Variants in DPP6 observed in about 807,000 individuals in gnomAD.
DPP6 encodes dipeptidyl peptidase like 6, also known as A-type potassium channel modulatory protein DPP6.
DPP6 carries 69 observed loss-of-function variants against 122.6 expected under a neutral mutation model. The observed-to-expected ratio is 0.56, with a 90% CI of 0.46 to 0.69. DPP6 has a LOEUF of 0.69. Ranked by LOEUF, DPP6 falls within the 30% of genes least tolerant of loss-of-function variation. The probability of loss-of-function intolerance (pLI) is 0.00; values close to 1 mark genes in which losing one functional copy is unlikely to be tolerated. For synonymous variants in DPP6, 418 were observed against 433.1 expected (o/e 0.97, Z 0.43); for missense variants, 928 against 1,116.9 (o/e 0.83, Z 2.41).
intron 3 of DPP6, among the ~76,000 whole-genome samples, chr7:154,518,314 T>G (rs548725807): frequency 6.6e-6 from 1 of 152,228 alleles, no homozygotes; most frequent in African/African-American, 2.4e-5. Flanking sequence ...GTCCTGATGA[T>G]TCAAGCTTAG....
intron 1 of DPP6, among the ~76,000 whole-genome samples, chr7:154,396,857 A>C (rs1175925055): frequency 6.6e-6 from 1 of 152,234 alleles, no homozygotes; most frequent in Admixed American, 6.5e-5. Flanking sequence ...AGGTAGGAGA[A>C]TCACTTGAAC....
At chr7:154,281,985 C>A (rs927273041) in intron 1 of DPP6, among the ~76,000 whole-genome samples, 1 of 152,120 alleles carries the variant, frequency 6.6e-6, no homozygotes, top group Non-Finnish European at 1.5e-5. Flanking sequence ...TGATTTGAGA[C>A]ATGGGTCTTT....
chr7:154,479,205 CCTTA>C (rs1279541464), intron 3 of DPP6, among the ~76,000 whole-genome samples: 4 of 152,168 alleles, frequency 2.6e-5, no homozygotes, highest in Non-Finnish European at 4.4e-5. Flanking sequence ...TTGTAGACTT[CCTTA>C]CTTGTTTGTT....
At chr7:154,072,065 A>G (rs1334783253) in intron 1 of DPP6, among the ~76,000 whole-genome samples, 1 of 152,220 alleles carries the variant, frequency 6.6e-6, no homozygotes, top group Admixed American at 6.5e-5. Flanking sequence ...GGCAGAGTGT[A>G]CTGATTAGAG....
intron 1 of DPP6, among the ~76,000 whole-genome samples, chr7:154,125,102 G>T (rs1188651010): frequency 6.6e-6 from 1 of 152,220 alleles, no homozygotes; most frequent in East Asian, 1.9e-4. Context: ...GGTCTTTGGA[G>T]ACATCACTAG....
chr7:153,830,858 C>T, the DPP6 span, among the ~76,000 whole-genome samples: 1 of 152,322 alleles, frequency 6.6e-6, no homozygotes, highest in Non-Finnish European at 1.5e-5. Flanking sequence ...CTATTAAATA[C>T]TGACTGCTTC....
At chr7:154,709,579 C>T (rs1037072008) in intron 7 of DPP6, among the ~76,000 whole-genome samples, 51 of 80,236 alleles carry the variant, frequency 6.4e-4, no homozygotes, top group Non-Finnish European at 1.3e-3. Context: ...AAGACAACGA[C>T]ATTTTTCTTT....
intron 3 of DPP6, 42 bp downstream of exon 3, chr7:154,475,079 G>A: frequency 1.4e-6 from 2 of 1,449,614 alleles, no homozygotes; most frequent in Non-Finnish European, 1.9e-6. Flanking sequence ...GCTTCCCCAT[G>A]CCTCACCCCC....
chr7:154,337,040 G>A lies in DPP6; in HGVS notation c.244-109174G>A, dbSNP rs561528243. Among the ~76,000 whole-genome samples the A allele has an allele frequency of 3.3e-4, 51 of 152,338 alleles. 1 individual carries two copies. The highest frequency in any genetic ancestry group is 2.7e-3 in the Admixed American group (42 of 15,300). ...GAGCAGCTAGGGTAGAAAAGGAGAA[G>A]CATTTAAACATCAGTGCCTCAAATC... On this transcript the variant is annotated intron_variant, in intron 1 of 25. Coordinates refer to ENST00000377770, the MANE Select transcript of DPP6 (RefSeq NM_130797.4).
chr7:154,109,592 G>A (rs1472800563), intron 1 of DPP6, among the ~76,000 whole-genome samples: 8 of 152,120 alleles, frequency 5.3e-5, no homozygotes, highest in East Asian at 1.9e-4. Context: ...GCGCCTGGCC[G>A]CTGTTAATTT....
intron 7 of DPP6, among the ~76,000 whole-genome samples, chr7:154,673,155 C>T (rs984292261): frequency 3.9e-5 from 6 of 152,194 alleles, no homozygotes; most frequent in Non-Finnish European, 1.5e-5. Flanking sequence ...GCAACACACC[C>T]CTCATTGCCA....
intron 1 of DPP6, among the ~76,000 whole-genome samples, chr7:154,180,398 TGTATA>T (rs529716355): frequency 2.1e-5 from 3 of 146,176 alleles, no homozygotes; most frequent in Admixed American, 1.4e-4. Context: ...TATATATATA[TGTATA>T]AATATATATA....
chr7:153,819,398 T>C, the DPP6 span, among the ~76,000 whole-genome samples: 1 of 149,830 alleles, frequency 6.7e-6, no homozygotes, highest in Non-Finnish European at 1.5e-5. Context: ...TTTTTAATCA[T>C]CCAGAAGGTG....
chr7:153,830,029 A>G, the DPP6 span, among the ~76,000 whole-genome samples: 1 of 152,202 alleles, frequency 6.6e-6, no homozygotes, highest in Non-Finnish European at 1.5e-5. Context: ...GTATTTTGAA[A>G]CTTGTGCTCC....
intron 5 of DPP6, among the ~76,000 whole-genome samples, chr7:154,627,034 GAC>G (rs1835122044): frequency 1.4e-5 from 1 of 70,696 alleles, no homozygotes; most frequent in African/African-American, 5.2e-5. Flanking sequence ...TTTTTTTTGA[GAC>G]AGAGTCTCAC....
Position 154,810,569 on chromosome 7 carries a change from A to G in DPP6, c.1666+3457A>G, listed in dbSNP as rs150460230. On this transcript the variant is annotated intron_variant, in intron 16 of 25. Transcript: ENST00000377770. ...TGCAAGGCTTGTGTTGTGGTCTGCA[A>G]ATAGTTATTGTGAAGAGATGACTCC... Among the ~76,000 whole-genome samples, 908 of 152,314 alleles carry G rather than the reference A, an allele frequency of 6.0e-3. 11 individuals are homozygous for G. The highest frequency in any genetic ancestry group is 0.027 in the Middle Eastern group (8 of 294).
In DPP6 at chr7:153,962,576, C is replaced by T. The variant is rs141973119; in HGVS notation, c.51+74842C>T. On this transcript the variant is annotated intron_variant, in intron 1 of 25. Coordinates refer to the DPP6 transcript ENST00000404039. Reference sequence around the variant, plus strand: ...AGTCGGTCCCAGCCCCTTACGTGAGCTGGGTTTTTATTTTGGAACTTCCTA... The same window carrying T: ...AGTCGGTCCCAGCCCCTTACGTGAGTTGGGTTTTTATTTTGGAACTTCCTA... 8.7e-3 allele frequency among the ~76,000 whole-genome samples: 1,319 copies of T among 152,306 alleles called. 10 individuals are homozygous for T. The highest frequency in any genetic ancestry group is 0.048 in the Middle Eastern group (14 of 294).
At chr7:154,262,989 A>G (rs185129417) in intron 1 of DPP6, among the ~76,000 whole-genome samples, 5 of 152,310 alleles carry the variant, frequency 3.3e-5, no homozygotes, top group Admixed American at 1.3e-4. Flanking sequence ...CTGCTCACCA[A>G]TGAAAAGGAA....
chr7:154,035,649 C>T (rs915762328), intron 1 of DPP6, among the ~76,000 whole-genome samples: 2 of 151,690 alleles, frequency 1.3e-5, no homozygotes, highest in African/African-American at 4.8e-5. Flanking sequence ...GGCATTTATC[C>T]ATCTAAACAC....
Sources: gnomAD v4.1 joint callset for allele counts (sites outside exome capture counted in the v4.1 genomes callset) on GRCh38, gnomAD v4.1.1 for gene constraint, MANE v1.5 for transcripts, NCBI Gene and HGNC (gene_info 2026-07-23, HGNC 2026-07-21) for gene names.